ST6GALNAC5: variants seen among roughly 807,000 people sequenced by gnomAD.
ST6GALNAC5 encodes the protein alpha-N-acetylgalactosaminide alpha-2,6-sialyltransferase 5.
ST6GALNAC5 carries 27 observed loss-of-function variants against 33.6 expected under a neutral mutation model. The ratio of observed to expected loss-of-function variants is 0.80; its 90% confidence interval spans 0.59 to 1.11. The LOEUF (loss-of-function observed/expected upper bound fraction) is 1.11. ST6GALNAC5 is among the 50% of genes least tolerant of loss of function. The pLI is 0.00. For missense variants in ST6GALNAC5, 428 were observed against 454.0 expected (o/e 0.94, Z 0.52); for synonymous variants, 194 against 171.2 (o/e 1.13, Z -1.04).
rs533711917 is a variant in ST6GALNAC5, at chr1:76,990,948, C to T, written c.262-53256C>T. ...GGAAACACCCAAGAGTATTGCATAG[C>T]TAGGGCTTCTGGAAAGGAGCTTCAG... On this transcript the variant is annotated intron_variant, in intron 2 of 4. Coordinates refer to ENST00000477717, the MANE Select transcript of ST6GALNAC5 (RefSeq NM_030965.3). 2.0e-5 allele frequency among the ~76,000 whole-genome samples: 3 copies of T among 152,208 alleles called. No homozygotes were observed. In the East Asian group the frequency reaches 5.8e-4, roughly 29 times the overall value.
chr1:76,885,718 A>G (rs1330910452), intron 2 of ST6GALNAC5, among the ~76,000 whole-genome samples: 2 of 152,220 alleles, frequency 1.3e-5, no homozygotes, highest in Non-Finnish European at 1.5e-5. Context: ...TCATCCCTCT[A>G]GTAGCTTAAA....
intron 2 of ST6GALNAC5, among the ~76,000 whole-genome samples, chr1:76,891,162 A>G (rs1654004763): frequency 6.6e-6 from 1 of 152,146 alleles, no homozygotes. Context: ...GAACAGCAAA[A>G]TGGTTTTCCA....
chr1:76,894,810 A>G (rs1289416779), intron 2 of ST6GALNAC5, among the ~76,000 whole-genome samples: 2 of 152,102 alleles, frequency 1.3e-5, no homozygotes, highest in East Asian at 3.9e-4. Context: ...TTTCACCACA[A>G]TTTCACTCGC....
rs1471368532 is a variant in ST6GALNAC5 at position 77,064,802 on chromosome 1, TTG to T, written c.*1598_*1599del. 1 of 152,186 alleles carries T rather than the reference TTG, an allele frequency of 6.6e-6. No homozygotes were observed. Among genetic ancestry groups the T allele is most frequent in the Non-Finnish European group, 1.5e-5 (1 of 68,022 alleles). The allele number at this position is 152,186 out of a possible 1,614,324, so 9.4% of individuals were successfully genotyped here. A position where few individuals can be genotyped will look rare whatever the true frequency, so the allele number is the denominator to read the frequency against. On this transcript the variant is annotated 3_prime_UTR_variant, in exon 5 of 5. Coordinates refer to ENST00000477717, the MANE Select transcript of ST6GALNAC5 (RefSeq NM_030965.3). ...CAAATATTATGTATGAAGACTGACATTGTTTTACAGACATGACCTGGCTTATG... is the reference window on the plus strand; with the variant it reads ...CAAATATTATGTATGAAGACTGACATTTTTACAGACATGACCTGGCTTATG...
rs759618493 is a variant in ST6GALNAC5, at chr1:77,010,593, G to A, written c.262-33611G>A. The stretch of plus-strand genomic sequence containing the variant: ...TGGCAGCTCTGGGAAGCTCTGAGAC[G>A]TGTTCTTCCTTGGAGTAGTCCCTCT... On this transcript the variant is annotated intron_variant, in intron 2 of 4. Transcript: ENST00000477717. 5.9e-5 allele frequency among the ~76,000 whole-genome samples: 9 copies of A among 152,140 alleles called. No homozygotes were observed. The South Asian group carries it at 6.2e-4, about 11-fold the overall frequency.
Position 76,948,587 on chromosome 1 carries a change from CAGAGAG to C in ST6GALNAC5, c.261+79879_261+79884del, listed in dbSNP as rs60959607. On this transcript the variant is annotated intron_variant, in intron 2 of 4. Transcript: ENST00000477717. ...AGAGAGAGAGGTATGGGAGTGGGGACAGAGAGAGAGAGAGAGAGAGAGAGAGAGAGA... is the reference window on the plus strand; with the variant it reads ...AGAGAGAGAGGTATGGGAGTGGGGACAGAGAGAGAGAGAGAGAGAGAGAGA... Among the ~76,000 whole-genome samples, 1,067 of 129,714 alleles carry C rather than the reference CAGAGAG, an allele frequency of 8.2e-3. 10 individuals carry two copies. The highest frequency in any genetic ancestry group is 0.025 in the African/African-American group (869 of 34,820). 85.1% of individuals were successfully genotyped at this position (129,714 alleles called of 152,430 possible).
chr1:76,976,031 A>G (rs970341351), intron 2 of ST6GALNAC5, among the ~76,000 whole-genome samples: 1 of 152,092 alleles, frequency 6.6e-6, no homozygotes, highest in Non-Finnish European at 1.5e-5. Context: ...GGAGGTGGAG[A>G]CTGCAGTGAG....
Position 76,992,518 on chromosome 1 carries a change from C to T in ST6GALNAC5, c.262-51686C>T, listed in dbSNP as rs142446874. ...AATTTAATTTTATTTTATTTGAGACCGGTTCTGGCTCTGTCACCCAGTTTG... is the reference window on the plus strand; with the variant it reads ...AATTTAATTTTATTTTATTTGAGACTGGTTCTGGCTCTGTCACCCAGTTTG... On this transcript the variant is annotated intron_variant, in intron 2 of 4. Coordinates refer to ENST00000477717, the MANE Select transcript of ST6GALNAC5 (RefSeq NM_030965.3). Among the ~76,000 whole-genome samples, 19 of 150,142 alleles carry T rather than the reference C, an allele frequency of 1.3e-4. No individual in the cohort carries two copies. The East Asian group carries it at 3.0e-3, about 23-fold the overall frequency.
chr1:77,032,035 G>A (rs964353255), intron 2 of ST6GALNAC5, among the ~76,000 whole-genome samples: 5 of 152,174 alleles, frequency 3.3e-5, no homozygotes, highest in Non-Finnish European at 5.9e-5. Context: ...ACAGCGAAAG[G>A]CAGAGAGGGT....
At chr1:77,061,698 G>A (rs1652579732) in intron 4 of ST6GALNAC5, among the ~76,000 whole-genome samples, 1 of 152,180 alleles carries the variant, frequency 6.6e-6, no homozygotes, top group Admixed American at 6.5e-5. Flanking sequence ...GAAGAGGTGG[G>A]CTAGACTGGC....
chr1:77,006,630 T>C (rs1650430831), intron 2 of ST6GALNAC5, among the ~76,000 whole-genome samples: 1 of 152,154 alleles, frequency 6.6e-6, no homozygotes, highest in Non-Finnish European at 1.5e-5. Flanking sequence ...CCAGAATGTA[T>C]AGTTCTTAAT....
Position 76,943,798 on chromosome 1 carries a change from A to G in ST6GALNAC5, c.261+75056A>G, listed in dbSNP as rs1647416595. Among the ~76,000 whole-genome samples the G allele has an allele frequency of 2.6e-5, 4 of 152,138 alleles. No individual in the cohort carries two copies. In the South Asian group the frequency reaches 8.3e-4, roughly 31 times the overall value. ...TCTCAATGCATACTTTGCACTTTTA[A>G]TTCAGTATTGTGTCAAGTTCATACA... On this transcript the variant is annotated intron_variant, in intron 2 of 4. Transcript: ENST00000477717.
intron 2 of ST6GALNAC5, among the ~76,000 whole-genome samples, chr1:77,023,325 C>T (rs535628994): frequency 6.6e-6 from 1 of 152,334 alleles, no homozygotes; most frequent in African/African-American, 2.4e-5. Context: ...ATATAACAAA[C>T]TAAAACCCCC....
intron 2 of ST6GALNAC5, among the ~76,000 whole-genome samples, chr1:77,038,754 A>G (rs1429971376): frequency 6.6e-6 from 1 of 152,220 alleles, no homozygotes; most frequent in Non-Finnish European, 1.5e-5. Context: ...TTCCCTGAGC[A>G]CGCTTCCCAA....
At chr1:76,946,702 C>T (rs1175598697) in intron 2 of ST6GALNAC5, among the ~76,000 whole-genome samples, 2 of 152,128 alleles carry the variant, frequency 1.3e-5, no homozygotes, top group Non-Finnish European at 2.9e-5. Context: ...AGTTTTACCA[C>T]TTTAAATTAA....
intron 2 of ST6GALNAC5, among the ~76,000 whole-genome samples, chr1:76,947,264 C>T (rs778563082): frequency 3.3e-5 from 5 of 151,936 alleles, no homozygotes; most frequent in African/African-American, 4.8e-5. Flanking sequence ...GCAGAAAGCA[C>T]GTAGAAAATA....
intron 2 of ST6GALNAC5, among the ~76,000 whole-genome samples, chr1:76,948,851 T>C (rs780003788): frequency 6.6e-5 from 10 of 152,172 alleles, no homozygotes; most frequent in South Asian, 2.1e-4. Flanking sequence ...AGTATAACTA[T>C]AGCTGGGCCA....
intron 2 of ST6GALNAC5, among the ~76,000 whole-genome samples, chr1:76,907,289 T>C (rs1436549881): frequency 6.6e-6 from 1 of 152,154 alleles, no homozygotes; most frequent in Non-Finnish European, 1.5e-5. Context: ...ACTCTGATCT[T>C]GACCCTGCTT....
intron 2 of ST6GALNAC5, among the ~76,000 whole-genome samples, chr1:76,987,732 C>T (rs1038024059): frequency 6.6e-6 from 1 of 152,192 alleles, no homozygotes; most frequent in East Asian, 1.9e-4. Flanking sequence ...TGTAGTAACC[C>T]ATATAATGGA....
Sources: allele counts gnomAD v4.1 joint callset (sites outside exome capture counted in the v4.1 genomes callset), GRCh38; gene constraint gnomAD v4.1.1; transcripts MANE v1.5; gene names NCBI Gene and HGNC (gene_info 2026-07-23, HGNC 2026-07-21).